The following MTUS2 variants were observed in gnomAD, a reference collection of about 807,000 sequenced individuals.
MTUS2 encodes microtubule-associated tumor suppressor candidate 2.
Under a neutral mutation model 114.1 loss-of-function variants are expected in MTUS2, and 40 were observed. That is an observed-to-expected ratio of 0.35 (90% CI 0.27 to 0.46). The LOEUF (loss-of-function observed/expected upper bound fraction) is 0.46. Among genes scored for constraint, MTUS2 ranks in the 20% least tolerant of loss-of-function variants. MTUS2 has a pLI of 1.00. For synonymous variants in MTUS2, 688 were observed against 672.0 expected, an observed-to-expected ratio of 1.02 and a Z score of -0.37; for missense variants, 1,679 against 1,705.4, an observed-to-expected ratio of 0.98 and a Z score of 0.27.
intron 15 of MTUS2, 101 bp from the exon 16 acceptor site, chr13:29,502,892 G>T: frequency 8.6e-7 from 1 of 1,164,848 alleles, no homozygotes; most frequent in East Asian, 2.5e-5. Context: ...TTCTCCCTGC[G>T]GTCATCATGG....
intron 5 of MTUS2, among the ~76,000 whole-genome samples, chr13:29,162,903 G>A (rs1893159231): frequency 6.6e-6 from 1 of 152,304 alleles, no homozygotes; most frequent in South Asian, 2.1e-4. Flanking sequence ...ATTATCTGCT[G>A]TGGGCTGCAA....
chr13:29,497,472 C>T (rs1882627868), intron 13 of MTUS2, 136 bp downstream of exon 13: 4 of 709,590 alleles, frequency 5.6e-6, no homozygotes, highest in Non-Finnish European at 9.7e-6. Context: ...GTCACGACCT[C>T]CCCTGGATTT....
chr13:29,389,515 GTATGTGTATATATGTATACACGTGTGTA>G (rs777284376), intron 8 of MTUS2, among the ~76,000 whole-genome samples: 4,021 of 71,626 alleles, frequency 0.056, 630 homozygotes, highest in Non-Finnish European at 0.063. Context: ...ACACGTGTGT[GTATGTGTATATATGTATACACGTGTGTA>G]TATGTATACA....
chr13:29,360,684 G>A (rs372896031), intron 8 of MTUS2, among the ~76,000 whole-genome samples: 761 of 74,994 alleles, frequency 0.01, 13 homozygotes, highest in African/African-American at 0.036. Flanking sequence ...TAAAGTAGCC[G>A]AACACCCCCC....
At chr13:29,174,496 A>G (rs1893689804) in intron 5 of MTUS2, among the ~76,000 whole-genome samples, 3 of 152,228 alleles carry the variant, frequency 2.0e-5, no homozygotes, top group South Asian at 2.1e-4. Context: ...TTGAAGGTAT[A>G]TTATGCCACA....
intron 11 of MTUS2, among the ~76,000 whole-genome samples, chr13:29,491,106 AGT>A (rs1356711330): frequency 1.4e-5 from 2 of 145,010 alleles, no homozygotes; most frequent in South Asian, 4.4e-4. Flanking sequence ...GGGTGTTTAT[AGT>A]GTGTGCAGTG....
chr13:29,129,266 T>C (rs1891652566), intron 5 of MTUS2, among the ~76,000 whole-genome samples: 1 of 152,102 alleles, frequency 6.6e-6, no homozygotes, highest in East Asian at 1.9e-4. Flanking sequence ...AGCTCTGTTA[T>C]TTGAGAGAAC....
intron 5 of MTUS2, among the ~76,000 whole-genome samples, chr13:29,129,101 CTG>C (rs1261157121): frequency 6.6e-6 from 1 of 151,576 alleles, no homozygotes; most frequent in African/African-American, 2.4e-5. Context: ...TGCGGACACT[CTG>C]TGCACTTTCT....
intron 4 of MTUS2, among the ~76,000 whole-genome samples, chr13:29,060,941 C>T (rs183718220): frequency 6.6e-6 from 1 of 151,920 alleles, no homozygotes; most frequent in African/African-American, 2.4e-5. Context: ...GCTGGGACTA[C>T]ATGTGCCCGC....
intron 5 of MTUS2, among the ~76,000 whole-genome samples, chr13:29,139,665 A>T (rs1892133710): frequency 6.6e-6 from 1 of 152,204 alleles, no homozygotes; most frequent in African/African-American, 2.4e-5. Flanking sequence ...AGATCTAGGT[A>T]ATTATTGCAT....
intron 1 of MTUS2, among the ~76,000 whole-genome samples, chr13:28,833,829 A>G (rs1422874055): frequency 1.3e-5 from 2 of 152,072 alleles, no homozygotes; most frequent in Non-Finnish European, 2.9e-5. Context: ...GAGAACTAAA[A>G]AGTTCAGTAA....
intron 2 of MTUS2, among the ~76,000 whole-genome samples, chr13:28,857,110 G>A (rs984377044): frequency 6.6e-6 from 1 of 152,168 alleles, no homozygotes; most frequent in Admixed American, 6.5e-5. Context: ...GGCATTGAGT[G>A]TATTAAGACA....
rs1555271591 is a variant in MTUS2, at chr13:29,383,252, G to GTATATATATATTTATTTATTTATT, written c.3117+23782_3117+23783insATATATATTTATTTATTTATTTAT. ...TGTGTGTGTGTGTGTGTGTGTGTGT[G>GTATATATATATTTATTTATTTATT]TATTTATTTTTCTCATGCAGGTCTT... On this transcript the variant is annotated intron_variant, in intron 8 of 15. Coordinates refer to ENST00000612955, the MANE Select transcript of MTUS2 (RefSeq NM_001033602.4). Among the ~76,000 whole-genome samples the GTATATATATATTTATTTATTTATT allele has an allele frequency of 2.2e-5, 3 of 135,964 alleles. No individual in the cohort carries two copies. In the East Asian group the frequency reaches 6.4e-4, roughly 29 times the overall value. 89.2% of individuals were successfully genotyped at this position (135,964 alleles called of 152,430 possible).
chr13:29,502,978 A>G lies in MTUS2; in HGVS notation c.3897-15A>G. On this transcript the variant is annotated splice_polypyrimidine_tract_variant and intron_variant, in intron 15 of 15. Transcript: ENST00000612955. ...CTAGCATGATTGCTACTTATTTGTCATTGTGCCCATGCAGACAGCTGTCGG... is the reference window on the plus strand; with the variant it reads ...CTAGCATGATTGCTACTTATTTGTCGTTGTGCCCATGCAGACAGCTGTCGG... The G allele has an allele frequency of 1.2e-6, 2 of 1,612,918 alleles. No homozygotes were observed. The highest frequency in any genetic ancestry group is 1.1e-5 in the South Asian group (1 of 90,804).
intron 2 of MTUS2, among the ~76,000 whole-genome samples, chr13:28,957,496 CT>C (rs1461890157): frequency 1.3e-5 from 2 of 152,184 alleles, no homozygotes; most frequent in African/African-American, 2.4e-5. Flanking sequence ...CATGCACAGA[CT>C]TTTTTTCTTG....
chr13:28,990,835 T>C (rs145884081), intron 2 of MTUS2, among the ~76,000 whole-genome samples: 2,694 of 150,756 alleles, frequency 0.018, 79 homozygotes, highest in African/African-American at 0.061. Context: ...TCAGCACTAC[T>C]TTTATAAGCT....
intron 6 of MTUS2, among the ~76,000 whole-genome samples, chr13:29,323,276 G>C (rs1447110022): frequency 6.6e-6 from 1 of 150,710 alleles, no homozygotes; most frequent in Non-Finnish European, 1.5e-5. Context: ...TTGAGACAGA[G>C]TATCACTCTG....
At chr13:29,253,144 G>A (rs765176181) in intron 5 of MTUS2, among the ~76,000 whole-genome samples, 4 of 149,338 alleles carry the variant, frequency 2.7e-5, no homozygotes, top group Non-Finnish European at 5.9e-5. Context: ...TCACATCCCC[G>A]GCTGGTCACA....
intron 5 of MTUS2, among the ~76,000 whole-genome samples, chr13:29,122,495 A>C (rs556669298): frequency 6.6e-6 from 1 of 152,202 alleles, no homozygotes; most frequent in African/African-American, 2.4e-5. Context: ...CTCACTCACT[A>C]TCATGAGAAC....
Sources: gnomAD v4.1 joint callset for allele counts (sites outside exome capture counted in the v4.1 genomes callset) on GRCh38, gnomAD v4.1.1 for gene constraint, MANE v1.5 for transcripts, NCBI Gene and HGNC (gene_info 2026-07-23, HGNC 2026-07-21) for gene names.